The following TERT variants were observed in gnomAD, a reference collection of about 807,000 sequenced individuals.
TERT encodes the protein telomerase catalytic subunit.
In TERT, 42 loss-of-function variants were observed where a neutral mutation model predicts 104.0. That is an observed-to-expected ratio of 0.40 (90% CI 0.32 to 0.52). The LOEUF (loss-of-function observed/expected upper bound fraction) is 0.52. TERT is among the 20% of genes least tolerant of loss of function. The pLI is 0.43. For missense variants in TERT, 1,101 were observed against 1,610.3 expected, an observed-to-expected ratio of 0.68 and a Z score of 5.41; for synonymous variants, 781 against 725.6, an observed-to-expected ratio of 1.08 and a Z score of -1.23.
intron 6 of TERT, among the ~76,000 whole-genome samples, chr5:1,273,973 AC>A (rs1389812692): frequency 6.6e-6 from 1 of 152,048 alleles, no homozygotes; most frequent in Non-Finnish European, 1.5e-5. Flanking sequence ...AGAGACCGGC[AC>A]CCCCACCTCC....
intron 6 of TERT, among the ~76,000 whole-genome samples, chr5:1,275,366 ACT>A (rs1749480165): frequency 6.7e-6 from 1 of 148,858 alleles, no homozygotes; most frequent in African/African-American, 2.5e-5. Flanking sequence ...AAAGAGCGAG[ACT>A]CTGTTATCAA....
In TERT at chr5:1,260,470, T is replaced by C; in HGVS notation, c.2970+4A>G. 3.1e-6 allele frequency: 5 copies of C among 1,614,030 alleles called. No homozygotes were observed. The highest frequency in any genetic ancestry group is 4.2e-6 in the Non-Finnish European group (5 of 1,179,968). Reference sequence around the variant, plus strand: ...AACTCTGTGCTGACCATCAGCCTGCTCACCTGCAAATCCAGAAACAGGCTG... The same window carrying C: ...AACTCTGTGCTGACCATCAGCCTGCCCACCTGCAAATCCAGAAACAGGCTG... On this transcript the variant is annotated splice_donor_region_variant and intron_variant, in intron 12 of 15. Transcript: ENST00000310581.
At chr5:1,264,688 A>C in intron 10 of TERT, 96 bp from the exon 11 acceptor site, 1 of 1,462,668 alleles carries the variant, frequency 6.8e-7, no homozygotes, top group South Asian at 1.1e-5. Flanking sequence ...ACCCCAGAGA[A>C]GTGGTGATTT....
intron 6 of TERT, among the ~76,000 whole-genome samples, chr5:1,277,720 C>T (rs1441263657): frequency 1.3e-5 from 2 of 151,908 alleles, no homozygotes; most frequent in East Asian, 1.9e-4. Flanking sequence ...CAGGTGGTGG[C>T]CATCAGCTTT....
At position 1,293,735 on chromosome 5, in the gene TERT, T is replaced by A. The variant is rs1167344136; in HGVS notation, c.1151A>T (p.Gln384Leu). 3.8e-6 allele frequency: 6 copies of A among 1,568,094 alleles called. No individual in the cohort carries two copies. The highest frequency in any genetic ancestry group is 5.2e-6 in the Non-Finnish European group (6 of 1,156,960). ...GTPRRLPRLP[Q>L]RYWQMRPLFL... ...CAGGGGCCGCATTTGCCAGTAGCGC[T>A]GGGGCAGGCGGGGCAACCTGCGGGG... is the stretch of plus-strand genomic sequence containing the variant. The change falls in exon 2 of 16, where the codon CAG becomes CTG. Residue 384 changes from glutamine to leucine, a missense_variant. Transcript: ENST00000310581.
At chr5:1,291,716 G>A (rs1750998192) in intron 2 of TERT, among the ~76,000 whole-genome samples, 1 of 149,702 alleles carries the variant, frequency 6.7e-6, no homozygotes, top group Admixed American at 6.7e-5. Context: ...ACGTGACAGG[G>A]ACACCTGGGG....
intron 6 of TERT, among the ~76,000 whole-genome samples, chr5:1,273,136 G>GGGACCA (rs1749233471): frequency 1.6e-4 from 1 of 6,110 alleles, no homozygotes; most frequent in Non-Finnish European, 3.3e-4. Context: ...CAGACCCCAC[G>GGGACCA]ACCGCCATCC....
intron 6 of TERT, among the ~76,000 whole-genome samples, chr5:1,276,237 C>T (rs1749575129): frequency 6.7e-6 from 1 of 148,764 alleles, no homozygotes; most frequent in South Asian, 2.2e-4. Flanking sequence ...CCCCACCTAC[C>T]CCACGGATGA....
rs1002931985 is a variant in TERT, at chr5:1,277,704, T to C, written c.2286+937A>G. 2.6e-5 allele frequency among the ~76,000 whole-genome samples: 4 copies of C among 151,590 alleles called. No homozygotes were observed. The South Asian group carries it at 6.2e-4, about 24-fold the overall frequency. On this transcript the variant is annotated intron_variant, in intron 6 of 15. Coordinates refer to ENST00000310581, the MANE Select transcript of TERT (RefSeq NM_198253.3). ...CTGGGCTCTAGTGACTTTCTACACC[T>C]GGGCACAGGTGGTGGCCATCAGCTT...
At chr5:1,266,958 G>A (rs1748649467) in intron 9 of TERT, among the ~76,000 whole-genome samples, 1 of 152,194 alleles carries the variant, frequency 6.6e-6, no homozygotes, top group South Asian at 2.1e-4. Context: ...CCTATCCACA[G>A]GAAGCTGGGC....
chr5:1,290,238 C>T (rs1460015531), intron 2 of TERT, among the ~76,000 whole-genome samples: 26 of 66,232 alleles, frequency 3.9e-4, no homozygotes, highest in Non-Finnish European at 5.7e-4. Flanking sequence ...TCACCCTACA[C>T]GTGACAGGGA....
intron 11 of TERT, 57 bp downstream of exon 11, chr5:1,264,346 CT>C (rs1748440604): frequency 1.8e-5 from 28 of 1,546,960 alleles, no homozygotes; most frequent in Non-Finnish European, 2.4e-5. Context: ...CGCAACGGCC[CT>C]GCAGCAGCAC....
intron 6 of TERT, 140 bp downstream of exon 6, chr5:1,278,501 G>C: frequency 8.2e-7 from 1 of 1,225,392 alleles, no homozygotes; most frequent in Non-Finnish European, 1.2e-6. Flanking sequence ...ACACACACGT[G>C]CCACACACGC....
intron 4 of TERT, among the ~76,000 whole-genome samples, chr5:1,279,732 G>A (rs1396320663): frequency 9.2e-5 from 14 of 152,190 alleles, no homozygotes; most frequent in South Asian, 4.1e-4. Flanking sequence ...CGCAGCCACC[G>A]CAGCCACAGG....
intron 2 of TERT, among the ~76,000 whole-genome samples, chr5:1,291,129 G>A (rs537195291): frequency 7.1e-6 from 1 of 140,634 alleles, no homozygotes; most frequent in Admixed American, 6.9e-5. Flanking sequence ...ACGTGACAGG[G>A]ACACCCGGGG....
intron 2 of TERT, among the ~76,000 whole-genome samples, chr5:1,290,231 C>G (rs1176163713): frequency 4.4e-5 from 3 of 67,772 alleles, no homozygotes; most frequent in Non-Finnish European, 7.9e-5. Context: ...GCCTCACTCA[C>G]CCTACACGTG....
At position 1,257,668 on chromosome 5, in the gene TERT, C is replaced by T. The variant is rs1484407547; in HGVS notation, c.3032+930G>A. Among the ~76,000 whole-genome samples, 1 of 152,234 alleles carries T rather than the reference C, an allele frequency of 6.6e-6. No individual in the cohort carries two copies. The highest frequency in any genetic ancestry group is 2.4e-5 in the African/African-American group (1 of 41,464). On this transcript the variant is annotated intron_variant, in intron 13 of 15. Transcript: ENST00000310581. The surrounding 1 kb of genome is among the most constrained non-coding windows in gnomAD (Gnocchi z 5.6). The stretch of plus-strand genomic sequence containing the variant: ...CCCTGCCAGAGCATGAAGGCGCAAG[C>T]ACTCGGGTTAAAAACCATTTTCATG...
intron 7 of TERT, among the ~76,000 whole-genome samples, chr5:1,271,781 G>C (rs112523370): frequency 1.3e-4 from 20 of 152,338 alleles, no homozygotes; most frequent in African/African-American, 3.6e-4. Context: ...TAAGAAGGGG[G>C]ACACGTTTCC....
intron 12 of TERT, 67 bp downstream of exon 12, chr5:1,260,407 C>T: frequency 6.2e-7 from 1 of 1,609,514 alleles, no homozygotes; most frequent in Non-Finnish European, 8.5e-7. Flanking sequence ...CGCGCACACA[C>T]ACACACACAT....
Sources: gnomAD v4.1 joint callset for allele counts (sites outside exome capture counted in the v4.1 genomes callset) on GRCh38, gnomAD v4.1.1 for gene constraint, Gnocchi (gnomAD v3.1) non-coding constraint, MANE v1.5 for transcripts, NCBI Gene and HGNC (gene_info 2026-07-23, HGNC 2026-07-21) for gene names.